Variants in CSMD1 observed in about 807,000 individuals in gnomAD.
CSMD1 encodes CUB and sushi domain-containing protein 1.
A neutral mutation model predicts 417.5 loss-of-function variants in CSMD1; 213 were observed. That is an observed-to-expected ratio of 0.51 (90% CI 0.46 to 0.57). CSMD1 has a LOEUF of 0.57. CSMD1 is among the 20% of genes least tolerant of loss of function. CSMD1 has a pLI of 0.00. For missense variants in CSMD1, 6,923 were observed against 4,529.7 expected (o/e 1.53, Z -15.17); for synonymous variants, 2,862 against 1,736.8 (o/e 1.65, Z -16.11).
At chr8:3,677,760 A>G (rs922880107) in intron 7 of CSMD1, among the ~76,000 whole-genome samples, 2 of 152,216 alleles carry the variant, frequency 1.3e-5, no homozygotes, top group Non-Finnish European at 2.9e-5. Context: ...TAAAACGGAA[A>G]TGAAAACTTC....
chr8:4,300,088 T>C lies in CSMD1; in HGVS notation c.415+119865A>G, dbSNP rs1489711227. Among the ~76,000 whole-genome samples the C allele has an allele frequency of 4.6e-5, 7 of 152,222 alleles. No homozygotes were observed. In the South Asian group the frequency reaches 1.0e-3, roughly 22 times the overall value. ...TGTCAGAACATCTGGATTTAGGATT[T>C]GATTTGCCCATTTGCTAATTAGGTA... is the stretch of plus-strand genomic sequence containing the variant. On this transcript the variant is annotated intron_variant, in intron 3 of 69. Coordinates refer to ENST00000635120, the MANE Select transcript of CSMD1 (RefSeq NM_033225.6).
At chr8:4,800,408 A>G (rs1432610829) in intron 1 of CSMD1, among the ~76,000 whole-genome samples, 1 of 149,318 alleles carries the variant, frequency 6.7e-6, no homozygotes. Flanking sequence ...ACTGTACTCC[A>G]GGCTGGGTGA....
chr8:3,885,360 T>C (rs1036741477), intron 5 of CSMD1, among the ~76,000 whole-genome samples: 16 of 152,122 alleles, frequency 1.1e-4, no homozygotes, highest in African/African-American at 3.9e-4. Flanking sequence ...GTTAAACGGT[T>C]AAACGAAAAT....
At chr8:4,987,173 A>G (rs1293449815) in intron 1 of CSMD1, among the ~76,000 whole-genome samples, 1 of 152,226 alleles carries the variant, frequency 6.6e-6, no homozygotes, top group East Asian at 1.9e-4. Context: ...TAGAAAATAA[A>G]TAGATTTCTA....
intron 2 of CSMD1, among the ~76,000 whole-genome samples, chr8:4,533,079 T>G (rs565038071): frequency 8.5e-5 from 13 of 152,348 alleles, no homozygotes; most frequent in African/African-American, 3.1e-4. Flanking sequence ...CGTCAAAAGA[T>G]TTTTTGGTTC....
intron 3 of CSMD1, among the ~76,000 whole-genome samples, chr8:4,248,163 C>G (rs536567777): frequency 2.6e-5 from 4 of 152,008 alleles, no homozygotes; most frequent in Admixed American, 6.6e-5. Flanking sequence ...AAAAAAATTG[C>G]TTTGAAACTT....
chr8:4,315,243 G>C (rs1162097979), intron 3 of CSMD1, among the ~76,000 whole-genome samples: 1 of 152,168 alleles, frequency 6.6e-6, no homozygotes, highest in Non-Finnish European at 1.5e-5. Flanking sequence ...GCTCTGGCTT[G>C]AAGACCAGAG....
intron 3 of CSMD1, among the ~76,000 whole-genome samples, chr8:4,129,626 C>T (rs1401171301): frequency 6.6e-6 from 1 of 152,132 alleles, no homozygotes; most frequent in South Asian, 2.1e-4. Flanking sequence ...CTTGTTTCCT[C>T]TCTGGAAATT....
At chr8:3,376,029 T>G (rs956521157) in intron 18 of CSMD1, among the ~76,000 whole-genome samples, 3 of 152,208 alleles carry the variant, frequency 2.0e-5, no homozygotes, top group African/African-American at 7.2e-5. Context: ...TCCACTTTTC[T>G]GTGTCTAATA....
At chr8:3,432,563 G>A (rs1195819000) in intron 12 of CSMD1, among the ~76,000 whole-genome samples, 1 of 136,918 alleles carries the variant, frequency 7.3e-6, no homozygotes, top group East Asian at 2.2e-4. Context: ...AGGCTGGAGT[G>A]CAGTGGTGCG....
chr8:4,620,523 G>A (rs1333805710), intron 2 of CSMD1, among the ~76,000 whole-genome samples: 2 of 151,738 alleles, frequency 1.3e-5, no homozygotes, highest in African/African-American at 4.8e-5. Flanking sequence ...AGGAAAACAT[G>A]TTTCAAGAAA....
chr8:3,209,716 C>T (rs1261297087), intron 30 of CSMD1, among the ~76,000 whole-genome samples: 2 of 151,892 alleles, frequency 1.3e-5, no homozygotes, highest in Non-Finnish European at 2.9e-5. Flanking sequence ...TTTAATGCAA[C>T]AACAAAAGAA....
At chr8:3,795,138 GATATCTATCATGTACAGCT>G (rs1170011033) in intron 5 of CSMD1, among the ~76,000 whole-genome samples, 11,352 of 62,584 alleles carry the variant, frequency 0.18, 1,843 homozygotes, top group Non-Finnish European at 0.22. Flanking sequence ...TACAGCTATA[GATATCTATCATGTACAGCT>G]ATAGATACCT....
intron 2 of CSMD1, among the ~76,000 whole-genome samples, chr8:4,454,825 A>C (rs561225203): frequency 3.4e-4 from 52 of 152,278 alleles, no homozygotes; most frequent in Admixed American, 3.4e-3. Flanking sequence ...CAACCATAAG[A>C]AGAGCAAAGG....
At chr8:3,117,337 T>C (rs530031137) in intron 42 of CSMD1, among the ~76,000 whole-genome samples, 14 of 152,042 alleles carry the variant, frequency 9.2e-5, no homozygotes, top group Non-Finnish European at 1.8e-4. Flanking sequence ...TCCCAAAGTG[T>C]GTTTGTAGTT....
At chr8:4,889,953 C>T (rs905459193) in intron 1 of CSMD1, among the ~76,000 whole-genome samples, 1 of 152,060 alleles carries the variant, frequency 6.6e-6, no homozygotes, top group Non-Finnish European at 1.5e-5. Flanking sequence ...GAATGTATGA[C>T]CTTTCAACTA....
At chr8:4,438,970 G>T (rs184029447) in intron 2 of CSMD1, among the ~76,000 whole-genome samples, 2 of 152,150 alleles carry the variant, frequency 1.3e-5, no homozygotes, top group South Asian at 4.1e-4. Context: ...AGTCATGAGC[G>T]CTTCATCAGT....
At chr8:3,687,927 C>G (rs1445462944) in intron 7 of CSMD1, among the ~76,000 whole-genome samples, 1 of 152,210 alleles carries the variant, frequency 6.6e-6, no homozygotes, top group Non-Finnish European at 1.5e-5. Context: ...AAATGCCTCT[C>G]TGCACCTCCT....
In CSMD1 at chr8:4,275,706, G is replaced by C. The variant is rs574628070; in HGVS notation, c.415+144247C>G. Among the ~76,000 whole-genome samples, 364 of 152,286 alleles carry C rather than the reference G, an allele frequency of 2.4e-3. 3 individuals are homozygous for C. Among genetic ancestry groups the C allele is most frequent in the African/African-American group, 8.3e-3 (347 of 41,568 alleles). On this transcript the variant is annotated intron_variant, in intron 3 of 69. Coordinates refer to ENST00000635120, the MANE Select transcript of CSMD1 (RefSeq NM_033225.6). ...AAGCTTGTTTTAGTGATAATACTCA[G>C]TGTGATTCCATTCACAATGAGTATA...
Sources: allele counts gnomAD v4.1 joint callset (sites outside exome capture counted in the v4.1 genomes callset), GRCh38; gene constraint gnomAD v4.1.1; transcripts MANE v1.5; gene names NCBI Gene and HGNC (gene_info 2026-07-23, HGNC 2026-07-21).